The following UBN2 variants were observed in gnomAD, a reference collection of about 807,000 sequenced individuals.
UBN2 encodes ubinuclein 2, also known as ubinuclein-2.
Under a neutral mutation model 120.2 loss-of-function variants are expected in UBN2, and 35 were observed. The observed-to-expected ratio is 0.29, with a 90% CI of 0.22 to 0.39. UBN2 has a LOEUF of 0.39. Among genes scored for constraint, UBN2 ranks in the 10% least tolerant of loss-of-function variants. UBN2 has a pLI of 1.00. For synonymous variants in UBN2, 661 were observed against 648.7 expected (o/e 1.02, Z -0.29); for missense variants, 1,693 against 1,663.2 (o/e 1.02, Z -0.31).
At chr7:139,320,120 T>C in the UBN2 span, among the ~76,000 whole-genome samples, 1 of 150,564 alleles carries the variant, frequency 6.6e-6, no homozygotes, top group Admixed American at 6.6e-5. Flanking sequence ...CAAAGTAGTC[T>C]CTATTGACAG....
At chr7:139,249,222 G>A (rs1039141154) in intron 2 of UBN2, among the ~76,000 whole-genome samples, 2 of 152,184 alleles carry the variant, frequency 1.3e-5, no homozygotes, top group Non-Finnish European at 2.9e-5. Context: ...TCGCACCACA[G>A]TACCTTTCTT....
intron 6 of UBN2, among the ~76,000 whole-genome samples, chr7:139,264,302 G>C (rs1048764224): frequency 1.3e-5 from 2 of 151,938 alleles, no homozygotes; most frequent in Non-Finnish European, 2.9e-5. Flanking sequence ...CTATATCTAT[G>C]GTTATTTTTT....
At chr7:139,280,719 C>T (rs1797583568) in intron 13 of UBN2, among the ~76,000 whole-genome samples, 1 of 152,196 alleles carries the variant, frequency 6.6e-6, no homozygotes, top group Non-Finnish European at 1.5e-5. Context: ...GATCTCGGCT[C>T]ACTGCAACCT....
chr7:139,281,740 G>A (rs1184444065), intron 13 of UBN2, among the ~76,000 whole-genome samples: 1 of 152,060 alleles, frequency 6.6e-6, no homozygotes, highest in Admixed American at 6.5e-5. Context: ...CCAATATTGG[G>A]ATACATTTCC....
At chr7:139,291,075 A>G (rs1200302911) in intron 15 of UBN2, among the ~76,000 whole-genome samples, 1 of 152,182 alleles carries the variant, frequency 6.6e-6, no homozygotes, top group African/African-American at 2.4e-5. Flanking sequence ...TCAAATTTAG[A>G]TTTAGATGGA....
intron 9 of UBN2, 88 bp downstream of exon 9, chr7:139,272,528 A>G (rs1797310977): frequency 3.5e-6 from 3 of 865,664 alleles, no homozygotes; most frequent in South Asian, 3.7e-5. Flanking sequence ...GTATGTATGT[A>G]TGTATGTATG....
At chr7:139,263,485 T>TA (rs1796999856) in intron 6 of UBN2, among the ~76,000 whole-genome samples, 1 of 152,012 alleles carries the variant, frequency 6.6e-6, no homozygotes, top group Non-Finnish European at 1.5e-5. Flanking sequence ...AAAAATGAAA[T>TA]AAAAATGGTC....
chr7:139,259,269 C>A lies in UBN2; in HGVS notation c.804C>A (p.Val268=). Residue 268 remains valine, a splice_region_variant and synonymous_variant, in exon 5 of 18, where the codon GTC becomes GTA. Coordinates refer to ENST00000473989, the MANE Select transcript of UBN2 (RefSeq NM_173569.4). ...TDNQKHKPPK[V]PKIKEDDIEM... is the part of the protein sequence containing the mutation. ...ATCATTCTTTTATCATTTTGCAGGT[C>A]CCCAAAATAAAAGAAGATGATATTG... 1 of 1,612,092 alleles carries A rather than the reference C, an allele frequency of 6.2e-7. No homozygotes were observed. The highest frequency in any genetic ancestry group is 8.5e-7 in the Non-Finnish European group (1 of 1,179,284).
Position 139,300,449 on chromosome 7 carries a change from T to A in UBN2, c.*2613T>A, listed in dbSNP as rs1484273481. ...AAGGTGCCCATACTTTATGGTCACCTGTCTTTACCGTTTTTATTACTAAAA... is the reference window on the plus strand; with the variant it reads ...AAGGTGCCCATACTTTATGGTCACCAGTCTTTACCGTTTTTATTACTAAAA... On this transcript the variant is annotated 3_prime_UTR_variant, in exon 18 of 18. Coordinates refer to ENST00000473989, the MANE Select transcript of UBN2 (RefSeq NM_173569.4). The A allele has an allele frequency of 6.6e-6, 1 of 152,254 alleles. No individual in the cohort carries two copies. Among genetic ancestry groups the A allele is most frequent in the African/African-American group, 2.4e-5 (1 of 41,462 alleles). The allele number at this position is 152,254 out of a possible 1,614,324, so 9.4% of individuals were successfully genotyped here.
chr7:139,316,823 G>A, the UBN2 span, among the ~76,000 whole-genome samples: 22 of 151,896 alleles, frequency 1.4e-4, 1 homozygote, highest in Non-Finnish European at 2.5e-4. Flanking sequence ...CAATTTTTCT[G>A]TTAGGAAGAT....
At chr7:139,284,790 T>A (rs549923602) in intron 15 of UBN2, among the ~76,000 whole-genome samples, 1 of 152,006 alleles carries the variant, frequency 6.6e-6, no homozygotes, top group African/African-American at 2.4e-5. Context: ...TTTTTTTAAG[T>A]AACAAAGGTG....
At chr7:139,292,252 C>CA (rs895537330) in intron 15 of UBN2, among the ~76,000 whole-genome samples, 3 of 150,718 alleles carry the variant, frequency 2.0e-5, no homozygotes, top group African/African-American at 4.9e-5. Flanking sequence ...GACCCTGTCT[C>CA]AAAAAAAAGG....
At position 139,306,393 on chromosome 7, in the gene UBN2, A is replaced by G. The variant is rs955686015; in HGVS notation, c.*8557A>G. The G allele has an allele frequency of 8.5e-5, 13 of 152,352 alleles. No individual in the cohort carries two copies. Among genetic ancestry groups the G allele is most frequent in the African/African-American group, 3.1e-4 (13 of 41,586 alleles). 9.4% of individuals were successfully genotyped at this position (152,352 alleles called of 1,614,324 possible). A position where few individuals can be genotyped will look rare whatever the true frequency, so the allele number is the denominator to read the frequency against. The stretch of plus-strand genomic sequence containing the variant: ...TGCAAAATTACCAAGGGTTACCCCA[A>G]TATTGTCTAGAGGAATTAAAAAGAA... On this transcript the variant is annotated 3_prime_UTR_variant, in exon 18 of 18. Coordinates refer to ENST00000473989, the MANE Select transcript of UBN2 (RefSeq NM_173569.4).
chr7:139,322,918 A>G, the UBN2 span, among the ~76,000 whole-genome samples: 2 of 152,184 alleles, frequency 1.3e-5, no homozygotes, highest in Non-Finnish European at 2.9e-5. Context: ...AGTTTCACAC[A>G]GGACAGAAAG....
At position 139,251,969 on chromosome 7, in the gene UBN2, G is replaced by A. The variant is rs185780220; in HGVS notation, c.575G>A (p.Arg192His). ...TGTTCTTTGCAGGGTGGGAAACCCC[G>A]TAAACACCGGAAGGATCGGCTACAA... is the stretch of plus-strand genomic sequence containing the variant. ...KFEMKYGGKPRKHRKDRLQDL... is the reference protein window; with the variant it reads ...KFEMKYGGKPHKHRKDRLQDL... Residue 192 changes from arginine to histidine, a missense_variant, in exon 3 of 18, where the codon CGT becomes CAT. Physicochemically the swap from Arg to His is conservative, Grantham distance 29. This residue lies in a region of UBN2 where 663 missense variants were observed against 591.2 expected (regional missense o/e 1.12). Coordinates refer to ENST00000473989, the MANE Select transcript of UBN2 (RefSeq NM_173569.4). The A allele has an allele frequency of 2.7e-5, 43 of 1,614,046 alleles. 1 individual carries two copies. In the Middle Eastern group the frequency reaches 4.9e-4, roughly 19 times the overall value.
downstream of UBN2, among the ~76,000 whole-genome samples, chr7:139,310,507 A>G (rs1425507192): frequency 1.3e-5 from 2 of 152,234 alleles, no homozygotes; most frequent in Non-Finnish European, 2.9e-5. Flanking sequence ...CACAGTGGTC[A>G]TGCCTGTAAT....
At position 139,301,747 on chromosome 7, in the gene UBN2, G is replaced by A. The variant is rs115875580; in HGVS notation, c.*3911G>A. ...TTTTTTTTTAAAGTTGGAAATAGAA[G>A]AATGAGAAAAATCTATAATCAGGCC... On this transcript the variant is annotated 3_prime_UTR_variant, in exon 18 of 18. Transcript: ENST00000473989. 3 of 151,732 alleles carry A rather than the reference G, an allele frequency of 2.0e-5. No individual in the cohort carries two copies. Among genetic ancestry groups the A allele is most frequent in the Non-Finnish European group, 4.4e-5 (3 of 67,990 alleles). 9.4% of individuals were successfully genotyped at this position (151,732 alleles called of 1,614,324 possible). A position where few individuals can be genotyped will look rare whatever the true frequency, so the allele number is the denominator to read the frequency against.
rs557012489 is a variant in UBN2, at chr7:139,261,609, A to G, written c.1263A>G (p.Leu421=). 5.5e-5 allele frequency: 88 copies of G among 1,614,198 alleles called. No homozygotes were observed. The highest frequency in any genetic ancestry group is 1.6e-4 in the East Asian group (7 of 44,884). Residue 421 remains leucine, a synonymous_variant, in exon 6 of 18, where the codon CTA becomes CTG. Transcript: ENST00000473989. ...LLDAASDGSP[L]SESGGENGTT... is the part of the protein sequence containing the mutation. Reference sequence around the variant, plus strand: ...ATGCTGCTTCTGATGGTAGCCCCCTATCTGAGTCGGGGGGTGAAAATGGAA... The same window carrying G: ...ATGCTGCTTCTGATGGTAGCCCCCTGTCTGAGTCGGGGGGTGAAAATGGAA...
intron 2 of UBN2, among the ~76,000 whole-genome samples, chr7:139,240,454 A>ATATATATATATATATATAT (rs371717591): frequency 8.1e-6 from 1 of 123,148 alleles, no homozygotes; most frequent in African/African-American, 3.2e-5. Flanking sequence ...ATATATATAT[A>ATATATATATATATATATAT]TTTTTTTTTT....
Sources: allele counts gnomAD v4.1 joint callset (sites outside exome capture counted in the v4.1 genomes callset), GRCh38; gene constraint gnomAD v4.1.1; regional missense constraint gnomAD v4.1.1; transcripts MANE v1.5; gene names NCBI Gene and HGNC (gene_info 2026-07-23, HGNC 2026-07-21).